SLC35F3: variants seen among roughly 807,000 people sequenced by gnomAD.
SLC35F3 encodes putative thiamine transporter SLC35F3.
A neutral mutation model predicts 49.9 loss-of-function variants in SLC35F3; 25 were observed. That is an observed-to-expected ratio of 0.50 (90% CI 0.37 to 0.70). The LOEUF (loss-of-function observed/expected upper bound fraction) is 0.70, where lower values mean the gene tolerates loss of function less well. Among genes scored for constraint, SLC35F3 ranks in the 30% least tolerant of loss-of-function variants. The probability of loss-of-function intolerance (pLI) is 0.00; values close to 1 mark genes in which losing one functional copy is unlikely to be tolerated. For missense variants in SLC35F3, 525 were observed against 639.8 expected, an observed-to-expected ratio of 0.82 and a Z score of 1.94; for synonymous variants, 275 against 265.4, an observed-to-expected ratio of 1.04 and a Z score of -0.35.
chr1:234,285,472 CAA>C (rs1668405496), intron 3 of SLC35F3: 1 of 391,852 alleles, frequency 2.6e-6, no homozygotes. Context: ...ACAGTAAAAA[CAA>C]GTAAAAACAG....
chr1:234,287,769 A>T (rs1427946770), intron 3 of SLC35F3, among the ~76,000 whole-genome samples: 1 of 152,212 alleles, frequency 6.6e-6, no homozygotes, highest in Non-Finnish European at 1.5e-5. Flanking sequence ...TTGCTTGAGG[A>T]TGTAAGACTT....
intron 2 of SLC35F3, among the ~76,000 whole-genome samples, chr1:234,177,356 T>G (rs776866986): frequency 5.3e-5 from 8 of 152,204 alleles, no homozygotes; most frequent in Non-Finnish European, 1.2e-4. Context: ...AGTGGTCTTC[T>G]AAGGCTTCAG....
chr1:234,279,045 G>C (rs1423970013), intron 3 of SLC35F3, among the ~76,000 whole-genome samples: 1 of 152,172 alleles, frequency 6.6e-6, no homozygotes, highest in African/African-American at 2.4e-5. Flanking sequence ...GGTGGTCCGA[G>C]CACAGCTTGG....
At chr1:234,267,288 A>G (rs569129319) in intron 3 of SLC35F3, among the ~76,000 whole-genome samples, 1 of 129,174 alleles carries the variant, frequency 7.7e-6, no homozygotes, top group Non-Finnish European at 1.6e-5. Flanking sequence ...CTATCCACAC[A>G]GACCCGGCAA....
intron 2 of SLC35F3, among the ~76,000 whole-genome samples, chr1:234,014,921 A>C (rs1290891750): frequency 6.6e-6 from 1 of 152,240 alleles, no homozygotes; most frequent in Admixed American, 6.5e-5. Flanking sequence ...CTACAGATTC[A>C]ATGCAATCCT....
chr1:233,984,733 T>G (rs954029653), intron 2 of SLC35F3, among the ~76,000 whole-genome samples: 15 of 151,998 alleles, frequency 9.9e-5, no homozygotes, highest in Non-Finnish European at 2.1e-4. Context: ...GCAGTCAGAG[T>G]TGCGTCCTCA....
At position 234,176,050 on chromosome 1, in the gene SLC35F3, C is replaced by T. The variant is rs557884143; in HGVS notation, c.284-55367C>T. ...CCAACATTAAGTGCCTGGGACTTGTCCCCACCCACCTTCAGCCCTTCTTCT... is the reference window on the plus strand; with the variant it reads ...CCAACATTAAGTGCCTGGGACTTGTTCCCACCCACCTTCAGCCCTTCTTCT... On this transcript the variant is annotated intron_variant, in intron 2 of 7. Coordinates refer to ENST00000366618, the MANE Select transcript of SLC35F3 (RefSeq NM_173508.4). Among the ~76,000 whole-genome samples, 545 of 152,330 alleles carry T rather than the reference C, an allele frequency of 3.6e-3. 1 individual carries two copies. Among genetic ancestry groups the T allele is most frequent in the Middle Eastern group, 0.01 (3 of 294 alleles).
At chr1:234,139,897 G>A (rs529771919) in intron 2 of SLC35F3, among the ~76,000 whole-genome samples, 4 of 149,534 alleles carry the variant, frequency 2.7e-5, no homozygotes, top group Admixed American at 6.8e-5. Context: ...GCAGTGAGCC[G>A]AGATGGTGCC....
intron 2 of SLC35F3, among the ~76,000 whole-genome samples, chr1:233,925,139 T>C (rs1455775663): frequency 6.6e-6 from 1 of 152,186 alleles, no homozygotes; most frequent in Non-Finnish European, 1.5e-5. Context: ...TCTGTAGATG[T>C]CTATTAGGTC....
intron 2 of SLC35F3, among the ~76,000 whole-genome samples, chr1:234,171,968 C>T (rs1194866231): frequency 2.0e-5 from 3 of 151,974 alleles, no homozygotes; most frequent in Admixed American, 6.5e-5. Context: ...CACCGCCCTA[C>T]TTCCCCAACC....
chr1:234,127,680 A>T (rs1363099965), intron 2 of SLC35F3, among the ~76,000 whole-genome samples: 1 of 152,252 alleles, frequency 6.6e-6, no homozygotes. Context: ...GTATTTCAAT[A>T]TGCAAGTATT....
intron 2 of SLC35F3, among the ~76,000 whole-genome samples, chr1:233,945,303 C>T (rs1395441775): frequency 1.3e-5 from 2 of 152,034 alleles, no homozygotes; most frequent in Non-Finnish European, 2.9e-5. Context: ...TTGGAAGTCC[C>T]CAGTATGCCT....
intron 2 of SLC35F3, among the ~76,000 whole-genome samples, chr1:234,075,841 C>T (rs1399988442): frequency 1.3e-5 from 2 of 152,218 alleles, no homozygotes; most frequent in Non-Finnish European, 2.9e-5. Context: ...TTCACCTTAT[C>T]TTACATAAAG....
chr1:234,268,954 C>T (rs1272884077), intron 3 of SLC35F3: 1 of 152,110 alleles, frequency 6.6e-6, no homozygotes, highest in African/African-American at 2.4e-5. Flanking sequence ...CACACAGACA[C>T]ATATATAGTA....
rs111987792 is a variant in SLC35F3 at position 234,053,108 on chromosome 1, T to C, written c.283+147350T>C. Among the ~76,000 whole-genome samples the C allele has an allele frequency of 1.1e-4, 16 of 152,358 alleles. 1 individual carries two copies. The highest frequency in any genetic ancestry group is 2.9e-4 in the African/African-American group (12 of 41,588). ...GTGATGTGGTGCTGAGAAGAATGTATATTTTGTTGATTTCGGGTGGAGAGT... is the reference window on the plus strand; with the variant it reads ...GTGATGTGGTGCTGAGAAGAATGTACATTTTGTTGATTTCGGGTGGAGAGT... On this transcript the variant is annotated intron_variant, in intron 2 of 7. Transcript: ENST00000366618.
At chr1:234,204,257 T>C (rs1376217347) in intron 2 of SLC35F3, among the ~76,000 whole-genome samples, 1 of 152,212 alleles carries the variant, frequency 6.6e-6, no homozygotes, top group Non-Finnish European at 1.5e-5. Context: ...CTTTGATATA[T>C]ATTATCAACC....
intron 2 of SLC35F3, among the ~76,000 whole-genome samples, chr1:234,062,333 C>G (rs1664553984): frequency 6.6e-6 from 1 of 152,180 alleles, no homozygotes; most frequent in Non-Finnish European, 1.5e-5. Flanking sequence ...CTTTTTCTTT[C>G]CCTGGTCACA....
intron 2 of SLC35F3, among the ~76,000 whole-genome samples, chr1:233,993,498 T>C (rs1006540373): frequency 2.0e-5 from 3 of 152,226 alleles, no homozygotes; most frequent in African/African-American, 4.8e-5. Flanking sequence ...AAGGGCATCA[T>C]ATAATAAATT....
intron 2 of SLC35F3, among the ~76,000 whole-genome samples, chr1:234,040,972 C>G (rs1416326065): frequency 6.6e-6 from 1 of 152,178 alleles, no homozygotes; most frequent in Non-Finnish European, 1.5e-5. Context: ...GGAGAGTTGG[C>G]TGAACGTAAG....
Sources: allele counts gnomAD v4.1 joint callset (sites outside exome capture counted in the v4.1 genomes callset), GRCh38; gene constraint gnomAD v4.1.1; transcripts MANE v1.5; gene names NCBI Gene and HGNC (gene_info 2026-07-23, HGNC 2026-07-21).